The following CAPS2 variants were observed in gnomAD, a reference collection of about 807,000 sequenced individuals.
The protein encoded by CAPS2 is calcyphosin-2.
CAPS2 carries 98 observed loss-of-function variants against 86.5 expected under a neutral mutation model. The observed-to-expected ratio is 1.13, with a 90% confidence interval of 0.96 to 1.34. The LOEUF is 1.34. Among genes scored for constraint, CAPS2 ranks in the 40% most tolerant of loss-of-function variants. The pLI, the probability that CAPS2 is intolerant of heterozygous loss-of-function variation, is 0.00. For missense variants in CAPS2, 729 were observed against 686.8 expected (o/e 1.06, Z -0.69); for synonymous variants, 210 against 225.1 (o/e 0.93, Z 0.60).
intron 1 of CAPS2, among the ~76,000 whole-genome samples, chr12:75,381,622 T>TC (rs1454620083): frequency 6.8e-6 from 1 of 146,298 alleles, no homozygotes; most frequent in Non-Finnish European, 1.5e-5. Flanking sequence ...GTGTTTTTTT[T>TC]TTTTTTTTTT....
At chr12:75,344,367 T>C (rs969538222) in intron 1 of CAPS2, among the ~76,000 whole-genome samples, 3 of 152,120 alleles carry the variant, frequency 2.0e-5, no homozygotes, top group Admixed American at 6.5e-5. Flanking sequence ...TATTGCTACA[T>C]CTTTAAGTTT....
At chr12:75,333,021 A>C (rs1593612406), upstream of CAPS2, among the ~76,000 whole-genome samples, 1 of 152,322 alleles carries the variant, frequency 6.6e-6, no homozygotes, top group East Asian at 1.9e-4. Context: ...GATGTGGCTG[A>C]TGCAGAATAA....
At position 75,290,178 on chromosome 12, in the gene CAPS2, T is replaced by C. The variant is rs73187201; in HGVS notation, c.1241-403A>G. ...AGTTTTTATCAACTGAATTACAAAA[T>C]TGATGACAGGCAAGTCACCCAAAAA... On this transcript the variant is annotated intron_variant, in intron 13 of 16. Coordinates refer to ENST00000393284, the Ensembl canonical transcript of CAPS2. Among the ~76,000 whole-genome samples the C allele has an allele frequency of 4.4e-3, 669 of 152,294 alleles. 3 individuals carry two copies. Among genetic ancestry groups the C allele is most frequent in the Middle Eastern group, 0.02 (6 of 294 alleles).
At chr12:75,296,871 TA>T (rs1310051216) in intron 11 of CAPS2, among the ~76,000 whole-genome samples, 3 of 152,204 alleles carry the variant, frequency 2.0e-5, no homozygotes, top group African/African-American at 7.2e-5. Context: ...AGAGTGCTTT[TA>T]CTATGGGAAA....
intron 7 of CAPS2, among the ~76,000 whole-genome samples, chr12:75,308,292 A>C (rs985733297): frequency 1.3e-5 from 2 of 152,212 alleles, no homozygotes; most frequent in Non-Finnish European, 2.9e-5. Context: ...TAGACAAAGT[A>C]TGTAAATAGA....
chr12:75,306,335 C>G, intron 7 of CAPS2: 1 of 517,190 alleles, frequency 1.9e-6, no homozygotes, highest in Non-Finnish European at 3.5e-6. Flanking sequence ...CTGCCTACTG[C>G]TCCTGTAACA....
At chr12:75,349,664 T>C (rs2042676284) in intron 1 of CAPS2, among the ~76,000 whole-genome samples, 1 of 152,180 alleles carries the variant, frequency 6.6e-6, no homozygotes, top group Admixed American at 6.5e-5. Context: ...TGAGATTTTT[T>C]AGAAGTTAAA....
chr12:75,361,543 C>T (rs1027222554), intron 1 of CAPS2, among the ~76,000 whole-genome samples: 5 of 152,162 alleles, frequency 3.3e-5, no homozygotes, highest in African/African-American at 9.7e-5. Context: ...ACAGCCCAAG[C>T]TGTACCTCAG....
At chr12:75,280,876 G>T (rs1217324523) in intron 16 of CAPS2, among the ~76,000 whole-genome samples, 1 of 151,706 alleles carries the variant, frequency 6.6e-6, no homozygotes, top group African/African-American at 2.4e-5. Flanking sequence ...ATGATGACGA[G>T]AAACCAAAGT....
At chr12:75,382,042 G>A (rs755477142) in intron 1 of CAPS2, among the ~76,000 whole-genome samples, 1 of 152,034 alleles carries the variant, frequency 6.6e-6, no homozygotes, top group Non-Finnish European at 1.5e-5. Context: ...TTTCAAAGTT[G>A]GCTTTTATGT....
chr12:75,291,673 A>T, intron 13 of CAPS2, 71 bp downstream of exon 13: 1 of 600,508 alleles, frequency 1.7e-6, no homozygotes, highest in Non-Finnish European at 2.7e-6. Context: ...TATCTGGGAA[A>T]ATGCTGTTTT....
intron 1 of CAPS2, among the ~76,000 whole-genome samples, chr12:75,377,024 A>C (rs944675142): frequency 1.3e-5 from 2 of 152,190 alleles, no homozygotes; most frequent in African/African-American, 4.8e-5. Flanking sequence ...CATATAGTTG[A>C]AGGTATTACG....
chr12:75,389,878 TG>T (rs1409737132), intron 1 of CAPS2, among the ~76,000 whole-genome samples: 1 of 152,216 alleles, frequency 6.6e-6, no homozygotes, highest in Non-Finnish European at 1.5e-5. Context: ...ATCTGTGTCT[TG>T]TCTACTGATC....
intron 1 of CAPS2, among the ~76,000 whole-genome samples, chr12:75,365,818 C>A (rs1398838368): frequency 6.6e-6 from 1 of 152,060 alleles, no homozygotes. Flanking sequence ...TTAAGGCTAA[C>A]TATATGAGTA....
intron 4 of CAPS2, among the ~76,000 whole-genome samples, chr12:75,322,394 G>A (rs1372455596): frequency 1.3e-5 from 2 of 152,168 alleles, no homozygotes; most frequent in African/African-American, 4.8e-5. Context: ...GAAAAGTGTT[G>A]AGGATAGTCA....
At chr12:75,359,206 CA>C (rs2043378600) in intron 1 of CAPS2, among the ~76,000 whole-genome samples, 1 of 150,528 alleles carries the variant, frequency 6.6e-6, no homozygotes, top group Admixed American at 6.6e-5. Context: ...ATAATAGCAT[CA>C]AAAAATATAA....
At chr12:75,369,852 A>G (rs2044243325) in intron 1 of CAPS2, 4 of 1,338,628 alleles carry the variant, frequency 3.0e-6, no homozygotes, top group Non-Finnish European at 3.8e-6. Flanking sequence ...TAAAAAGTCA[A>G]ACTAATTTTT....
At chr12:75,306,578 G>A (rs1245773261) in intron 7 of CAPS2, among the ~76,000 whole-genome samples, 1 of 152,194 alleles carries the variant, frequency 6.6e-6, no homozygotes, top group African/African-American at 2.4e-5. Flanking sequence ...TTTGGTTGGC[G>A]CTTTCGCTTT....
chr12:75,341,819 G>A (rs1309274708), intron 1 of CAPS2, among the ~76,000 whole-genome samples: 1 of 137,214 alleles, frequency 7.3e-6, no homozygotes, highest in Non-Finnish European at 1.5e-5. Flanking sequence ...GCACGGTCTT[G>A]GCTCACTGCA....
Sources: gnomAD v4.1 joint callset for allele counts (sites outside exome capture counted in the v4.1 genomes callset) on GRCh38, gnomAD v4.1.1 for gene constraint, MANE v1.5 for transcripts, NCBI Gene and HGNC (gene_info 2026-07-23, HGNC 2026-07-21) for gene names.